Variants in RBFOX1 observed in about 807,000 individuals in gnomAD.
RBFOX1 encodes RNA binding protein fox-1 homolog 1.
In RBFOX1, 8 loss-of-function variants were observed where a neutral mutation model predicts 57.7. The observed-to-expected ratio is 0.14, with a 90% CI of 0.08 to 0.25. The LOEUF (loss-of-function observed/expected upper bound fraction) is 0.25, where lower values mean the gene tolerates loss of function less well. Among genes scored for constraint, RBFOX1 ranks in the 10% least tolerant of loss-of-function variants. The pLI, the probability that RBFOX1 is intolerant of heterozygous loss-of-function variation, is 1.00. For synonymous variants in RBFOX1, 326 were observed against 222.4 expected, an observed-to-expected ratio of 1.47 and a Z score of -4.15; for missense variants, 611 against 548.5, an observed-to-expected ratio of 1.11 and a Z score of -1.14.
chr16:6,355,076 G>A lies in RBFOX1; in HGVS notation c.-64+38019G>A, dbSNP rs549168272. Among the ~76,000 whole-genome samples, 44 of 152,264 alleles carry A rather than the reference G, an allele frequency of 2.9e-4. 1 individual carries two copies. The highest frequency in any genetic ancestry group is 1.6e-3 in the Admixed American group (25 of 15,296). ...TTAGCATCCTCATCTTGGTTTCTAA[G>A]ACCATTCTCCAATAACCCCTTCAAG... On this transcript the variant is annotated intron_variant, in intron 2 of 15. Transcript: ENST00000550418.
At chr16:6,775,846 T>C (rs879437270) in intron 3 of RBFOX1, 5 of 152,202 alleles carry the variant, frequency 3.3e-5, no homozygotes, top group Non-Finnish European at 7.3e-5. Context: ...AATCAGTTAT[T>C]GTTGAAAGCC....
At chr16:6,124,947 T>C (rs1203715299) in intron 1 of RBFOX1, among the ~76,000 whole-genome samples, 1 of 152,162 alleles carries the variant, frequency 6.6e-6, no homozygotes, top group African/African-American at 2.4e-5. Flanking sequence ...GCCTTACCAT[T>C]TGGTGAAATA....
chr16:5,431,540 AGTT>A (rs1450033887), intron 1 of RBFOX1, among the ~76,000 whole-genome samples: 1 of 151,784 alleles, frequency 6.6e-6, no homozygotes, highest in Non-Finnish European at 1.5e-5. Context: ...ATGCCCGGCT[AGTT>A]GTTGTATTTT....
At chr16:7,012,417 G>A (rs1186724642) in intron 3 of RBFOX1, among the ~76,000 whole-genome samples, 1 of 152,170 alleles carries the variant, frequency 6.6e-6, no homozygotes, top group African/African-American at 2.4e-5. Flanking sequence ...GAGGCCACAT[G>A]GGTGTGTCAT....
intron 1 of RBFOX1, among the ~76,000 whole-genome samples, chr16:6,203,890 C>A (rs1276703605): frequency 1.3e-5 from 2 of 152,116 alleles, no homozygotes; most frequent in African/African-American, 4.8e-5. Flanking sequence ...GGCAAAGCAA[C>A]CTGCCTATGC....
chr16:6,767,909 T>C (rs1438677072), intron 3 of RBFOX1, among the ~76,000 whole-genome samples: 9 of 114,962 alleles, frequency 7.8e-5, no homozygotes, highest in Non-Finnish European at 1.4e-4. Flanking sequence ...GTAAGGACTC[T>C]ATCTCAATAA....
At chr16:7,689,111 T>G (rs78261564) in intron 14 of RBFOX1, among the ~76,000 whole-genome samples, 2,380 of 152,102 alleles carry the variant, frequency 0.016, 62 homozygotes, top group African/African-American at 0.054. Flanking sequence ...ATAAGAAAAA[T>G]TAAATGAATA....
intron 4 of RBFOX1, among the ~76,000 whole-genome samples, chr16:7,084,549 G>C (rs552024619): frequency 6.6e-6 from 1 of 152,128 alleles, no homozygotes; most frequent in South Asian, 2.1e-4. Flanking sequence ...CAAAAGAAAG[G>C]GGAATGTCAA....
intron 1 of RBFOX1, among the ~76,000 whole-genome samples, chr16:6,055,835 A>G (rs1194485497): frequency 3.9e-5 from 6 of 152,146 alleles, no homozygotes; most frequent in African/African-American, 7.2e-5. Context: ...AAACACAGAA[A>G]AGTACAAGGA....
chr16:7,136,646 G>T (rs2072074343), intron 4 of RBFOX1, among the ~76,000 whole-genome samples: 1 of 152,058 alleles, frequency 6.6e-6, no homozygotes, highest in Admixed American at 6.6e-5. Flanking sequence ...TGAACTCCTG[G>T]CCTCAAACAA....
At chr16:5,359,955 C>T (rs1321782868) in intron 1 of RBFOX1, among the ~76,000 whole-genome samples, 4 of 152,190 alleles carry the variant, frequency 2.6e-5, no homozygotes, top group Non-Finnish European at 4.4e-5. Context: ...TCTGTCCTCA[C>T]CTCAGAATGT....
intron 3 of RBFOX1, among the ~76,000 whole-genome samples, chr16:5,724,503 C>T (rs1428983499): frequency 6.6e-6 from 1 of 152,070 alleles, no homozygotes; most frequent in Admixed American, 6.5e-5. Flanking sequence ...GGGTTTGAAC[C>T]CAGGACCCAT....
At chr16:6,909,314 C>G (rs185111970) in intron 3 of RBFOX1, among the ~76,000 whole-genome samples, 1 of 152,196 alleles carries the variant, frequency 6.6e-6, no homozygotes, top group Non-Finnish European at 1.5e-5. Context: ...TCACATACCT[C>G]CTTCTCTGGT....
At chr16:6,492,388 T>A (rs1567423691) in intron 2 of RBFOX1, among the ~76,000 whole-genome samples, 4 of 152,170 alleles carry the variant, frequency 2.6e-5, no homozygotes, top group South Asian at 4.1e-4. Flanking sequence ...GCCAACATAG[T>A]GGAACCTCGT....
rs534070286 is a variant in RBFOX1 at position 7,255,267 on chromosome 16, C to G, written c.27+203169C>G. On this transcript the variant is annotated intron_variant, in intron 4 of 15. Transcript: ENST00000550418. ...TAATAGGAACCAAAAATTGCCTGACCTTAAACTCTGTGCTATTTCCATTCT... is the reference window on the plus strand; with the variant it reads ...TAATAGGAACCAAAAATTGCCTGACGTTAAACTCTGTGCTATTTCCATTCT... Among the ~76,000 whole-genome samples, 923 of 152,276 alleles carry G rather than the reference C, an allele frequency of 6.1e-3. 2 individuals are homozygous for G. Among genetic ancestry groups the G allele is most frequent in the Middle Eastern group, 0.017 (5 of 294 alleles).
chr16:5,857,733 G>C (rs2057108631), intron 3 of RBFOX1, among the ~76,000 whole-genome samples: 1 of 151,846 alleles, frequency 6.6e-6, no homozygotes, highest in African/African-American at 2.4e-5. Flanking sequence ...ACCAGCCTGG[G>C]CAATATAGAG....
At chr16:5,867,030 C>G (rs988675722) in intron 3 of RBFOX1, among the ~76,000 whole-genome samples, 3 of 152,100 alleles carry the variant, frequency 2.0e-5, no homozygotes, top group African/African-American at 7.2e-5. Flanking sequence ...ACAGCCCTCC[C>G]CACTTATTTT....
At chr16:7,611,634 C>T (rs920093802) in intron 10 of RBFOX1, among the ~76,000 whole-genome samples, 5 of 151,688 alleles carry the variant, frequency 3.3e-5, no homozygotes, top group East Asian at 1.9e-4. Flanking sequence ...TTTGACTCCC[C>T]GAGTATGTTT....
intron 4 of RBFOX1, among the ~76,000 whole-genome samples, chr16:7,360,602 A>G (rs958731219): frequency 2.6e-5 from 4 of 152,194 alleles, no homozygotes; most frequent in African/African-American, 9.7e-5. Context: ...CGTTTCCTGT[A>G]GGCCACAACA....
Sources: allele counts gnomAD v4.1 joint callset (sites outside exome capture counted in the v4.1 genomes callset), GRCh38; gene constraint gnomAD v4.1.1; transcripts MANE v1.5; gene names NCBI Gene and HGNC (gene_info 2026-07-23, HGNC 2026-07-21).